SDK1: variants seen among roughly 807,000 people sequenced by gnomAD.
SDK1 encodes protein sidekick-1.
In SDK1, 157 loss-of-function variants were observed where a neutral mutation model predicts 245.5. The observed-to-expected ratio is 0.64, with a 90% CI of 0.56 to 0.73. The LOEUF (loss-of-function observed/expected upper bound fraction) is 0.73. Ranked by LOEUF, SDK1 falls within the 30% of genes least tolerant of loss-of-function variation. The pLI is 0.00. For missense variants in SDK1, 3,583 were observed against 3,002.3 expected (o/e 1.19, Z -4.52); for synonymous variants, 1,647 against 1,278.5 (o/e 1.29, Z -6.15).
rs556738163 is a variant in SDK1 at position 4,135,899 on chromosome 7, A to G, written c.4228+3476A>G. Among the ~76,000 whole-genome samples, 65 of 152,322 alleles carry G rather than the reference A, an allele frequency of 4.3e-4. 1 individual carries two copies. The highest frequency in any genetic ancestry group is 1.5e-3 in the African/African-American group (63 of 41,572). On this transcript the variant is annotated intron_variant, in intron 28 of 44. Transcript: ENST00000404826. ...AGCCTGGTCCTAGTATTCCCGTTGC[A>G]TGCAGCAGTGGTGTGCTGCCTTGAT...
rs985770540 is a variant in SDK1 at position 4,011,236 on chromosome 7, G to A, written c.2279+123G>A. On this transcript the variant is annotated intron_variant, in intron 15 of 44. Coordinates refer to ENST00000404826, the MANE Select transcript of SDK1 (RefSeq NM_152744.4). ...CCGCTGGCTTCCCTCAGGGAGACGG[G>A]ACAAACCGTGAGCAGAAAAGCCTGT... 1.7e-5 allele frequency: 21 copies of A among 1,226,428 alleles called. No individual in the cohort carries two copies. The African/African-American group carries it at 2.2e-4, about 13-fold the overall frequency. The allele number at this position is 1,226,428 out of a possible 1,614,324, so 76.0% of individuals were successfully genotyped here. A position where few individuals can be genotyped will look rare whatever the true frequency, so the allele number is the denominator to read the frequency against.
rs1183053438 is a variant in SDK1, at chr7:4,121,397, T to G, written c.3824-5984T>G. The stretch of plus-strand genomic sequence containing the variant: ...GGGGGCAATTTCCGCCATGCTGTTC[T>G]CATGATAGTGAGTGAGTTCTCACAA... On this transcript the variant is annotated intron_variant, in intron 25 of 44. Transcript: ENST00000404826. Among the ~76,000 whole-genome samples the G allele has an allele frequency of 1.1e-4, 16 of 152,204 alleles. 1 individual carries two copies. Among genetic ancestry groups the G allele is most frequent in the Admixed American group, 1.0e-3 (16 of 15,284 alleles).
chr7:3,775,565 C>CTT (rs200756787), intron 4 of SDK1, among the ~76,000 whole-genome samples: 1 of 148,394 alleles, frequency 6.7e-6, no homozygotes, highest in African/African-American at 2.5e-5. Context: ...ATTAGTACCT[C>CTT]TTTTTTTTTC....
chr7:3,939,954 C>G (rs1244395807), intron 5 of SDK1, among the ~76,000 whole-genome samples: 2 of 152,206 alleles, frequency 1.3e-5, no homozygotes, highest in South Asian at 2.1e-4. Flanking sequence ...CTTCACCCAG[C>G]CCATGAAAAA....
At chr7:3,337,338 T>C (rs1164312865) in intron 1 of SDK1, among the ~76,000 whole-genome samples, 1 of 151,866 alleles carries the variant, frequency 6.6e-6, no homozygotes, top group African/African-American at 2.4e-5. Context: ...GACAGAAAAT[T>C]AGAATCTGCC....
chr7:3,490,933 A>C (rs1436237797), intron 1 of SDK1, among the ~76,000 whole-genome samples: 1 of 152,226 alleles, frequency 6.6e-6, no homozygotes, highest in East Asian at 1.9e-4. Flanking sequence ...AGTTTCTGTT[A>C]GGCATTCACT....
At chr7:3,483,459 T>A (rs959008862) in intron 1 of SDK1, among the ~76,000 whole-genome samples, 2 of 152,200 alleles carry the variant, frequency 1.3e-5, no homozygotes, top group Non-Finnish European at 2.9e-5. Flanking sequence ...CCTTACTTTT[T>A]CTGATTGCCT....
At chr7:4,100,633 G>C (rs1782473659) in intron 22 of SDK1, among the ~76,000 whole-genome samples, 1 of 152,112 alleles carries the variant, frequency 6.6e-6, no homozygotes, top group African/African-American at 2.4e-5. Flanking sequence ...GCCTGGAAGG[G>C]AGTCCTCACC....
chr7:3,490,907 C>A (rs1228563883), intron 1 of SDK1, among the ~76,000 whole-genome samples: 1 of 152,216 alleles, frequency 6.6e-6, no homozygotes, highest in East Asian at 1.9e-4. Flanking sequence ...TTGCCCTCCA[C>A]AGACACAGGC....
At chr7:4,216,095 T>C (rs533936389) in intron 38 of SDK1, among the ~76,000 whole-genome samples, 134 of 152,348 alleles carry the variant, frequency 8.8e-4, no homozygotes, top group African/African-American at 3.1e-3. Flanking sequence ...AGCTGCTCTC[T>C]GCCTGCAGGC....
At chr7:4,211,384 G>T (rs916462925) in intron 38 of SDK1, among the ~76,000 whole-genome samples, 7 of 152,220 alleles carry the variant, frequency 4.6e-5, no homozygotes, top group Admixed American at 4.6e-4. Context: ...AGGCCGGCCG[G>T]GGCTGTGGCA....
intron 4 of SDK1, among the ~76,000 whole-genome samples, chr7:3,670,238 G>A (rs1783655961): frequency 6.6e-6 from 1 of 152,114 alleles, no homozygotes; most frequent in South Asian, 2.1e-4. Flanking sequence ...TAGTATATTA[G>A]TCTGAGTAAC....
At chr7:3,477,870 T>C (rs1463845565) in intron 1 of SDK1, among the ~76,000 whole-genome samples, 2 of 152,206 alleles carry the variant, frequency 1.3e-5, no homozygotes, top group Non-Finnish European at 2.9e-5. Context: ...GGAAATTTTA[T>C]CTGTATTTCC....
intron 4 of SDK1, among the ~76,000 whole-genome samples, chr7:3,686,538 T>C (rs938215439): frequency 6.6e-6 from 1 of 152,218 alleles, no homozygotes; most frequent in Admixed American, 6.5e-5. Flanking sequence ...CCAGTGATAA[T>C]GTAAAACAGG....
At chr7:3,354,480 A>G (rs367788002) in intron 1 of SDK1, among the ~76,000 whole-genome samples, 5 of 152,342 alleles carry the variant, frequency 3.3e-5, no homozygotes, top group Admixed American at 6.5e-5. Context: ...TTTTCCGTGA[A>G]AGAAGTATAG....
intron 1 of SDK1, among the ~76,000 whole-genome samples, chr7:3,532,607 A>G (rs1783384402): frequency 6.6e-6 from 1 of 152,124 alleles, no homozygotes; most frequent in East Asian, 1.9e-4. Flanking sequence ...TCCTACTATA[A>G]CTGTCATGTT....
At chr7:3,464,991 A>G (rs1048302341) in intron 1 of SDK1, among the ~76,000 whole-genome samples, 4 of 152,158 alleles carry the variant, frequency 2.6e-5, no homozygotes, top group African/African-American at 9.7e-5. Flanking sequence ...TAAGGCTAAC[A>G]TTGTTGCTAA....
chr7:3,324,755 T>G (rs912885249), intron 1 of SDK1, among the ~76,000 whole-genome samples: 2 of 152,210 alleles, frequency 1.3e-5, no homozygotes, highest in Non-Finnish European at 2.9e-5. Flanking sequence ...TTGCTGGTTT[T>G]TATATTTTTA....
At chr7:3,457,558 T>C (rs1222611135) in intron 1 of SDK1, among the ~76,000 whole-genome samples, 1 of 152,204 alleles carries the variant, frequency 6.6e-6, no homozygotes, top group African/African-American at 2.4e-5. Flanking sequence ...CTCCTCTCTT[T>C]CCAGGTTTCT....
Sources: allele counts gnomAD v4.1 joint callset (sites outside exome capture counted in the v4.1 genomes callset), GRCh38; gene constraint gnomAD v4.1.1; transcripts MANE v1.5; gene names NCBI Gene and HGNC (gene_info 2026-07-23, HGNC 2026-07-21).